The following PRR14L variants were observed in gnomAD, a reference collection of about 807,000 sequenced individuals.
PRR14L encodes the protein proline rich 14 like.
In PRR14L, 80 loss-of-function variants were observed where a neutral mutation model predicts 155.0. That is an observed-to-expected ratio of 0.52 (90% CI 0.43 to 0.62). PRR14L has a LOEUF of 0.62. Among genes scored for constraint, PRR14L ranks in the 20% least tolerant of loss-of-function variants. The pLI, the probability that PRR14L is intolerant of heterozygous loss-of-function variation, is 0.00. For synonymous variants in PRR14L, 883 were observed against 916.0 expected (o/e 0.96, Z 0.65); for missense variants, 2,469 against 2,548.0 (o/e 0.97, Z 0.67).
intron 4 of PRR14L, 45 bp from the exon 5 acceptor site, chr22:31,704,771 G>C: frequency 6.8e-7 from 1 of 1,475,980 alleles, no homozygotes; most frequent in Non-Finnish European, 9.5e-7. Flanking sequence ...AGGGCAGTGG[G>C]ATAACAGGAA....
Position 31,682,407 on chromosome 22 carries a change from C to T in PRR14L, c.*3120G>A, listed in dbSNP as rs539949283. 6 of 150,230 alleles carry T rather than the reference C, an allele frequency of 4.0e-5. No individual in the cohort carries two copies. Among genetic ancestry groups the T allele is most frequent in the South Asian group, 2.1e-4 (1 of 4,744 alleles). The allele number at this position is 150,230 out of a possible 1,614,324, so 9.3% of individuals were successfully genotyped here. A position where few individuals can be genotyped will look rare whatever the true frequency, so the allele number is the denominator to read the frequency against. ...TAAGGCAAACGCTACATGTCTTCAC[C>T]GTACCTCCCTCAGCTACTGTAGCTT... is the stretch of plus-strand genomic sequence containing the variant. On this transcript the variant is annotated 3_prime_UTR_variant, in exon 9 of 9. Transcript: ENST00000327423.
chr22:31,706,785 C>T (rs975788991), intron 4 of PRR14L, among the ~76,000 whole-genome samples: 1 of 152,182 alleles, frequency 6.6e-6, no homozygotes, highest in East Asian at 1.9e-4. Context: ...CATGGTGGCT[C>T]GCGCCTATAA....
At position 31,683,106 on chromosome 22, in the gene PRR14L, C is replaced by T. The variant is rs557880343; in HGVS notation, c.*2421G>A. 1 of 152,390 alleles carries T rather than the reference C, an allele frequency of 6.6e-6. No individual in the cohort carries two copies. The highest frequency in any genetic ancestry group is 2.1e-4 in the South Asian group (1 of 4,826). The allele number at this position is 152,390 out of a possible 1,614,324, so 9.4% of individuals were successfully genotyped here. On this transcript the variant is annotated 3_prime_UTR_variant, in exon 9 of 9. Coordinates refer to ENST00000327423, the MANE Select transcript of PRR14L (RefSeq NM_173566.3). ...GGCAGGGCTGGCCTCACAACAACTC[C>T]TCTCCTACATTGTCAGGACAGGGAA... is the stretch of plus-strand genomic sequence containing the variant.
chr22:31,691,958 C>T (rs1200153599), intron 7 of PRR14L, among the ~76,000 whole-genome samples: 1 of 151,986 alleles, frequency 6.6e-6, no homozygotes, highest in Non-Finnish European at 1.5e-5. Flanking sequence ...ACCTCCACCT[C>T]CTGCGTTAAG....
At chr22:31,717,962 T>C (rs2074669234) in intron 3 of PRR14L, among the ~76,000 whole-genome samples, 1 of 150,136 alleles carries the variant, frequency 6.7e-6, no homozygotes, top group Non-Finnish European at 1.5e-5. Context: ...AGTCTTGCTC[T>C]TGTCGCCCAG....
chr22:31,719,052 T>G (rs572856582), intron 3 of PRR14L, among the ~76,000 whole-genome samples: 31 of 151,850 alleles, frequency 2.0e-4, no homozygotes, highest in Admixed American at 5.3e-4. Context: ...CTAGCCTGGG[T>G]GACAGAGCAA....
intron 3 of PRR14L, among the ~76,000 whole-genome samples, chr22:31,725,184 C>A (rs1455913700): frequency 2.6e-5 from 4 of 152,102 alleles, no homozygotes; most frequent in Non-Finnish European, 5.9e-5. Context: ...CACTTGAGCC[C>A]AGGAGTTCGA....
intron 1 of PRR14L, among the ~76,000 whole-genome samples, chr22:31,744,334 T>C (rs915298604): frequency 1.3e-5 from 2 of 152,204 alleles, no homozygotes; most frequent in African/African-American, 4.8e-5. Context: ...GGTTTCTCTA[T>C]GTTGGTCAGG....
At chr22:31,706,830 A>G (rs1236270963) in intron 4 of PRR14L, among the ~76,000 whole-genome samples, 1 of 151,544 alleles carries the variant, frequency 6.6e-6, no homozygotes, top group Admixed American at 6.6e-5. Context: ...TGGGTGGATC[A>G]CCTGAGGTCA....
At chr22:31,693,479 G>A (rs958782965) in intron 7 of PRR14L, among the ~76,000 whole-genome samples, 1 of 152,142 alleles carries the variant, frequency 6.6e-6, no homozygotes, top group Non-Finnish European at 1.5e-5. Context: ...AGCTACTGAC[G>A]GACATCTTGG....
intron 7 of PRR14L, among the ~76,000 whole-genome samples, chr22:31,701,092 A>G (rs2074561041): frequency 6.6e-6 from 1 of 151,614 alleles, no homozygotes; most frequent in Non-Finnish European, 1.5e-5. Flanking sequence ...GGCTCAAGCG[A>G]ATCTCCTGCC....
chr22:31,716,174 G>C lies in PRR14L; in HGVS notation c.1665C>G (p.Thr555=). 6.4e-7 allele frequency: 1 copy of C among 1,551,366 alleles called. No individual in the cohort carries two copies. The highest frequency in any genetic ancestry group is 8.7e-7 in the Non-Finnish European group (1 of 1,146,848). The change falls in exon 4 of 9, where the codon ACC becomes ACG. Residue 555 remains threonine, a synonymous_variant. Coordinates refer to ENST00000327423, the MANE Select transcript of PRR14L (RefSeq NM_173566.3). The part of the protein sequence containing the change: ...VSIQRNLEGN[T]QLNEASCNDF... Reference sequence around the variant, plus strand: ...CATTACATGATGCTTCATTTAACTGGGTGTTGCCTTCCAGATTTCTCTGGA... The same window carrying C: ...CATTACATGATGCTTCATTTAACTGCGTGTTGCCTTCCAGATTTCTCTGGA...
intron 7 of PRR14L, among the ~76,000 whole-genome samples, chr22:31,688,885 T>C: frequency 6.7e-6 from 1 of 149,560 alleles, no homozygotes; most frequent in East Asian, 1.9e-4. Context: ...ACCCTGTCTC[T>C]TAAAAAATAT....
At chr22:31,704,490 C>A (rs992635300) in intron 5 of PRR14L, 165 bp downstream of exon 5, 1 of 440,950 alleles carries the variant, frequency 2.3e-6, no homozygotes, top group Non-Finnish European at 4.1e-6. Flanking sequence ...TGTAATAGAA[C>A]AGATTTCAAT....
rs1425885060 is a variant in PRR14L at position 31,715,472 on chromosome 22, A to G, written c.2367T>C (p.His789=). 3.2e-6 allele frequency: 5 copies of G among 1,552,336 alleles called. No homozygotes were observed. The South Asian group carries it at 5.9e-5, about 18-fold the overall frequency. ...CCTGGGATACATTTTTTCTTACACG[A>G]TGACAGCTAGAGATATCCTGAGATT... The part of the protein sequence containing the change: ...SVQSQDISSC[H]RVRKNVSQEN... Residue 789 remains histidine, a synonymous_variant, in exon 4 of 9, where the codon CAT becomes CAC. Transcript: ENST00000327423.
At chr22:31,694,399 A>G (rs2074524986) in intron 7 of PRR14L, among the ~76,000 whole-genome samples, 1 of 152,022 alleles carries the variant, frequency 6.6e-6, no homozygotes, top group Non-Finnish European at 1.5e-5. Flanking sequence ...TTTTTGGACC[A>G]TCACTTGAGG....
At chr22:31,733,795 G>C (rs753987616) in intron 2 of PRR14L, among the ~76,000 whole-genome samples, 96 of 151,926 alleles carry the variant, frequency 6.3e-4, no homozygotes, top group Non-Finnish European at 6.6e-4. Context: ...CCATCTGATA[G>C]TCAAAAAGCG....
intron 3 of PRR14L, among the ~76,000 whole-genome samples, chr22:31,724,103 G>A (rs1387191571): frequency 6.6e-6 from 1 of 152,212 alleles, no homozygotes; most frequent in Non-Finnish European, 1.5e-5. Context: ...AGCTCCTTAT[G>A]AGAATCTAAT....
intron 5 of PRR14L, 192 bp downstream of exon 5, chr22:31,704,463 C>A: frequency 9.4e-6 from 4 of 426,150 alleles, no homozygotes; most frequent in South Asian, 7.7e-5. Context: ...TATTATTACA[C>A]ATTCCTAGTT....
Sources: gnomAD v4.1 joint callset for allele counts (sites outside exome capture counted in the v4.1 genomes callset) on GRCh38, gnomAD v4.1.1 for gene constraint, MANE v1.5 for transcripts, NCBI Gene and HGNC (gene_info 2026-07-23, HGNC 2026-07-21) for gene names.